Variants in TLE1 observed in about 807,000 individuals in gnomAD.
TLE1 encodes transducin-like enhancer protein 1.
Under a neutral mutation model 89.8 loss-of-function variants are expected in TLE1, and 21 were observed. The ratio of observed to expected loss-of-function variants is 0.23; its 90% CI spans 0.17 to 0.34. The LOEUF is 0.34. Ranked by LOEUF, TLE1 falls within the 10% of genes least tolerant of loss-of-function variation. TLE1 has a pLI of 1.00. For missense variants in TLE1, 795 were observed against 1,031.2 expected (o/e 0.77, Z 3.14); for synonymous variants, 447 against 407.6 (o/e 1.10, Z -1.16).
intron 2 of TLE1, 92 bp from the exon 3 acceptor site, chr9:81,685,988 A>C: frequency 1.4e-6 from 2 of 1,394,870 alleles, no homozygotes; most frequent in Non-Finnish European, 2.0e-6. Context: ...AAAAACACAG[A>C]CCAATTTGGA....
chr9:81,597,110 G>C (rs546779681), intron 14 of TLE1, among the ~76,000 whole-genome samples: 1 of 152,098 alleles, frequency 6.6e-6, no homozygotes, highest in Non-Finnish European at 1.5e-5. Context: ...CTGCAGTCTA[G>C]AATGTGTCTG....
At chr9:81,663,223 T>C (rs991633430) in intron 4 of TLE1, among the ~76,000 whole-genome samples, 1 of 152,180 alleles carries the variant, frequency 6.6e-6, no homozygotes. Context: ...CGATCAACAG[T>C]GGTGCTGAGA....
chr9:81,650,416 T>G (rs1028397467), intron 6 of TLE1, among the ~76,000 whole-genome samples: 2 of 152,240 alleles, frequency 1.3e-5, no homozygotes, highest in Non-Finnish European at 2.9e-5. Flanking sequence ...ACCGGGTACT[T>G]GAGAACTGCT....
At chr9:81,614,618 G>C (rs1021171343) in intron 11 of TLE1, among the ~76,000 whole-genome samples, 1 of 152,076 alleles carries the variant, frequency 6.6e-6, no homozygotes. Context: ...CCTCCCAACC[G>C]GTAAAATGGG....
chr9:81,613,581 T>G, intron 11 of TLE1, 60 bp from the exon 12 acceptor site: 1 of 1,584,690 alleles, frequency 6.3e-7, no homozygotes, highest in Admixed American at 1.7e-5. Context: ...ATTACACAAT[T>G]TATCACAACA....
chr9:81,677,530 A>C (rs1295215569), intron 4 of TLE1, among the ~76,000 whole-genome samples: 2 of 136,398 alleles, frequency 1.5e-5, no homozygotes, highest in African/African-American at 5.4e-5. Flanking sequence ...ATGCCACTGC[A>C]CCCCAGCCTG....
chr9:81,659,041 T>C (rs1455374624), intron 4 of TLE1, among the ~76,000 whole-genome samples: 1 of 152,114 alleles, frequency 6.6e-6, no homozygotes, highest in East Asian at 1.9e-4. Context: ...CGCGAGTAGC[T>C]GGGATGACAG....
intron 14 of TLE1, among the ~76,000 whole-genome samples, chr9:81,608,184 G>A (rs1831935308): frequency 6.6e-6 from 1 of 151,756 alleles, no homozygotes; most frequent in African/African-American, 2.4e-5. Flanking sequence ...CAAGGCAGGA[G>A]GACTGTGTGA....
intron 4 of TLE1, among the ~76,000 whole-genome samples, chr9:81,658,086 A>G (rs1411017865): frequency 6.6e-6 from 1 of 151,122 alleles, no homozygotes; most frequent in African/African-American, 2.4e-5. Context: ...AATTTTTTGT[A>G]TTTTTAGTAA....
intron 8 of TLE1, among the ~76,000 whole-genome samples, chr9:81,627,143 T>C (rs889500527): frequency 1.3e-5 from 2 of 152,062 alleles, no homozygotes; most frequent in African/African-American, 4.8e-5. Flanking sequence ...CATTTATACC[T>C]CCTTATCTCA....
intron 6 of TLE1, among the ~76,000 whole-genome samples, chr9:81,637,132 T>C (rs1588069859): frequency 6.6e-6 from 1 of 150,958 alleles, no homozygotes; most frequent in Admixed American, 6.6e-5. Flanking sequence ...CTGAGGCGGG[T>C]GTAACACTTG....
rs113041040 is a variant in TLE1 at position 81,621,846 on chromosome 9, C to G, written c.595-1289G>C. Among the ~76,000 whole-genome samples, 442 of 152,186 alleles carry G rather than the reference C, an allele frequency of 2.9e-3. 1 individual carries two copies. The highest frequency in any genetic ancestry group is 0.01 in the African/African-American group (427 of 41,516). On this transcript the variant is annotated intron_variant, in intron 8 of 19. Coordinates refer to ENST00000376499, the MANE Select transcript of TLE1 (RefSeq NM_005077.5). ...GAAGGCAATCCCAAGCCTCTTGGCC[C>G]GCCTCAGGGACTGACTCTAGAGGAG...
In TLE1 at chr9:81,660,373, A is replaced by T. The variant is rs116057761; in HGVS notation, c.235-6337T>A. Among the ~76,000 whole-genome samples, 1,171 of 152,032 alleles carry T rather than the reference A, an allele frequency of 7.7e-3. 24 individuals are homozygous for T. Among genetic ancestry groups the T allele is most frequent in the African/African-American group, 0.024 (1,013 of 41,498 alleles). On this transcript the variant is annotated intron_variant, in intron 4 of 19. Transcript: ENST00000376499. ...AAAAAAACAAAATCATACGTTGGTA[A>T]GTATAAAATTCATGTACATGTATGG... is the stretch of plus-strand genomic sequence containing the variant.
chr9:81,615,509 A>C (rs1442135736), intron 11 of TLE1, among the ~76,000 whole-genome samples: 1 of 147,726 alleles, frequency 6.8e-6, no homozygotes, highest in Non-Finnish European at 1.5e-5. Flanking sequence ...GACCAGCCTG[A>C]CAAACATGGC....
Position 81,593,246 on chromosome 9 carries a change from C to G in TLE1, c.1360G>C (p.Gly454Arg). 1 of 1,613,812 alleles carries G rather than the reference C, an allele frequency of 6.2e-7. No individual in the cohort carries two copies. Among genetic ancestry groups the G allele is most frequent in the Non-Finnish European group, 8.5e-7 (1 of 1,179,814 alleles). ...GGAAAAGGGACAGGCTGCATCTGAC[C>G]GTCTGCAGTAACGTGGAAGGAGTAT... ...PAYSFHVTAD[G>R]QMQPVPFPPD... Residue 454 changes from glycine to arginine, a missense_variant, in exon 15 of 20, where the codon GGT (glycine) becomes CGT (arginine). Physicochemically the swap from Gly to Arg is moderately radical, Grantham distance 125 (BLOSUM62 -2). Coordinates refer to ENST00000376499, the MANE Select transcript of TLE1 (RefSeq NM_005077.5).
At position 81,616,679 on chromosome 9, in the gene TLE1, G is replaced by A. The variant is rs147012155; in HGVS notation, c.732C>T (p.Ser244=). The A allele has an allele frequency of 1.5e-5, 24 of 1,613,828 alleles. No individual in the cohort carries two copies. Among genetic ancestry groups the A allele is most frequent in the East Asian group, 2.2e-5 (1 of 44,876 alleles). Residue 244 remains serine (S), a synonymous_variant, in exon 10 of 20, where the codon AGC becomes AGT. Transcript: ENST00000376499. The part of the protein sequence containing the change: ...SSHYDSDGDK[S]DDNLVVDVSN... ...ACACATCCACAACTAAGTTGTCATCGCTTTTGTCACCATCACTGTCCTGGA... is the reference window on the plus strand; with the variant it reads ...ACACATCCACAACTAAGTTGTCATCACTTTTGTCACCATCACTGTCCTGGA...
intron 4 of TLE1, among the ~76,000 whole-genome samples, chr9:81,661,970 T>C (rs1220934223): frequency 1.3e-5 from 2 of 152,188 alleles, no homozygotes; most frequent in Admixed American, 1.3e-4. Flanking sequence ...AACTGGGCAA[T>C]GTGTTTCAAG....
At chr9:81,586,872 T>G (rs1828547235) in intron 17 of TLE1, among the ~76,000 whole-genome samples, 1 of 152,126 alleles carries the variant, frequency 6.6e-6, no homozygotes, top group Non-Finnish European at 1.5e-5. Flanking sequence ...CAACAAAATG[T>G]TAACAGGAAT....
At chr9:81,607,158 AG>A (rs1831803655) in intron 14 of TLE1, among the ~76,000 whole-genome samples, 1 of 152,112 alleles carries the variant, frequency 6.6e-6, no homozygotes, top group Non-Finnish European at 1.5e-5. Context: ...AGATGAGAAA[AG>A]TACCCCGACA....
Sources: gnomAD v4.1 joint callset for allele counts (sites outside exome capture counted in the v4.1 genomes callset) on GRCh38, gnomAD v4.1.1 for gene constraint, MANE v1.5 for transcripts, NCBI Gene and HGNC (gene_info 2026-07-23, HGNC 2026-07-21) for gene names.